The following PPP1R12A variants were observed in gnomAD, a reference collection of about 807,000 sequenced individuals.
PPP1R12A encodes protein phosphatase 1 regulatory subunit 12A, also known as myosin binding subunit.
A neutral mutation model predicts 139.6 loss-of-function variants in PPP1R12A; 19 were observed. The observed-to-expected ratio is 0.14, with a 90% CI of 0.09 to 0.20. The LOEUF is 0.20. Among genes scored for constraint, PPP1R12A ranks in the 10% least tolerant of loss-of-function variants. The pLI is 1.00. For synonymous variants in PPP1R12A, 427 were observed against 420.6 expected (o/e 1.02, Z -0.19); for missense variants, 925 against 1,211.5 (o/e 0.76, Z 3.51).
intron 1 of PPP1R12A, among the ~76,000 whole-genome samples, chr12:79,888,495 T>C (rs1222556763): frequency 1.1e-4 from 16 of 152,096 alleles, no homozygotes; most frequent in Non-Finnish European, 1.0e-4. Flanking sequence ...CAACAGAGGG[T>C]TGAGAAGCAG....
rs558457699 is a variant in PPP1R12A at position 79,773,826 on chromosome 12, T to C, written c.*2103A>G. ...TCATTAAAAGTTCACACATTTAAAATAGTTTTATTCATTTTATTTGTATAT... is the reference window on the plus strand; with the variant it reads ...TCATTAAAAGTTCACACATTTAAAACAGTTTTATTCATTTTATTTGTATAT... On this transcript the variant is annotated 3_prime_UTR_variant, in exon 25 of 25. Transcript: ENST00000450142. 1.3e-5 allele frequency: 2 copies of C among 152,354 alleles called. No homozygotes were observed. Among genetic ancestry groups the C allele is most frequent in the Admixed American group, 6.5e-5 (1 of 15,304 alleles). The allele number at this position is 152,354 out of a possible 1,614,324, so 9.4% of individuals were successfully genotyped here.
At chr12:79,848,143 A>G (rs1235492172) in intron 2 of PPP1R12A, among the ~76,000 whole-genome samples, 2 of 152,196 alleles carry the variant, frequency 1.3e-5, no homozygotes, top group Non-Finnish European at 2.9e-5. Flanking sequence ...TAAAAGTTTT[A>G]TCATCTTTAT....
rs114378668 is a variant in PPP1R12A at position 79,906,045 on chromosome 12, A to C, written c.237+28650T>G. Reference sequence around the variant, plus strand: ...AGCTAAGGAAATCATCCTACTTTAAATGAAAAAAATCTTATGCATCAAAAT... The same window carrying C: ...AGCTAAGGAAATCATCCTACTTTAACTGAAAAAAATCTTATGCATCAAAAT... On this transcript the variant is annotated intron_variant, in intron 1 of 24. Transcript: ENST00000450142. 5.4e-3 allele frequency among the ~76,000 whole-genome samples: 818 copies of C among 152,322 alleles called. 5 individuals are homozygous for C. The highest frequency in any genetic ancestry group is 0.019 in the African/African-American group (777 of 41,576).
At chr12:79,784,135 G>C (rs1400828534) in intron 22 of PPP1R12A, among the ~76,000 whole-genome samples, 1 of 151,910 alleles carries the variant, frequency 6.6e-6, no homozygotes, top group Non-Finnish European at 1.5e-5. Flanking sequence ...TTGTGTATTT[G>C]TGAATAGTTA....
chr12:79,902,554 T>C (rs950557772), intron 1 of PPP1R12A, among the ~76,000 whole-genome samples: 3 of 152,062 alleles, frequency 2.0e-5, no homozygotes, highest in Non-Finnish European at 4.4e-5. Flanking sequence ...TTTAAATGGA[T>C]ATTGGCCTTT....
At chr12:79,853,900 T>C (rs1347849446) in intron 2 of PPP1R12A, among the ~76,000 whole-genome samples, 1 of 152,224 alleles carries the variant, frequency 6.6e-6, no homozygotes, top group Non-Finnish European at 1.5e-5. Flanking sequence ...TCAATGACTT[T>C]GTATAATTGA....
chr12:79,899,774 A>G (rs1254253867), intron 1 of PPP1R12A, among the ~76,000 whole-genome samples: 1 of 152,144 alleles, frequency 6.6e-6, no homozygotes, highest in African/African-American at 2.4e-5. Context: ...ACTGACTTTT[A>G]TAAGAAAATA....
At chr12:79,815,251 G>C (rs146015188) in intron 9 of PPP1R12A, among the ~76,000 whole-genome samples, 113 of 152,276 alleles carry the variant, frequency 7.4e-4, no homozygotes, top group African/African-American at 2.7e-3. Context: ...AAAAGATAGA[G>C]AGCCAGTGCT....
At chr12:79,786,790 G>A (rs1431468566) in intron 21 of PPP1R12A, 1 of 183,286 alleles carries the variant, frequency 5.5e-6, no homozygotes, top group African/African-American at 2.4e-5. Context: ...CACAGCAACT[G>A]CAGCTAGGGC....
At chr12:79,832,513 T>C (rs201740861) in intron 3 of PPP1R12A, 22 bp from the exon 4 acceptor site, 3 of 1,546,454 alleles carry the variant, frequency 1.9e-6, no homozygotes, top group African/African-American at 2.8e-5. Context: ...AAAATAGTTC[T>C]TTTTATTTTT....
chr12:79,900,269 C>G (rs897378898), intron 1 of PPP1R12A, among the ~76,000 whole-genome samples: 2 of 152,126 alleles, frequency 1.3e-5, no homozygotes, highest in African/African-American at 4.8e-5. Context: ...TACAAAACAT[C>G]CTTATAACAA....
chr12:79,796,917 T>C lies in PPP1R12A; in HGVS notation c.2326A>G (p.Ser776Gly), dbSNP rs773144245. ...AGTGAAGAGGATGGAGTGGTTGAAC[T>C]TGAAGTTGATACTGGCCTATAACGC... ...YQRYRPVSTSSSTTPSSSLST... is the reference protein window; with the variant it reads ...YQRYRPVSTSGSTTPSSSLST... Residue 776 changes from serine to glycine, a missense_variant, in exon 17 of 25, where the codon AGT (serine) becomes GGT (glycine). Ser to Gly is a moderately conservative substitution (Grantham distance 56). Around this residue, in one of 4 missense-constraint regions of PPP1R12A, gnomAD observed 315 missense variants for 363.4 expected, o/e 0.87. Transcript: ENST00000450142. 8 of 1,612,678 alleles carry C rather than the reference T, an allele frequency of 5.0e-6. No homozygotes were observed. Among genetic ancestry groups the C allele is most frequent in the Non-Finnish European group, 6.8e-6 (8 of 1,179,262 alleles).
intron 9 of PPP1R12A, among the ~76,000 whole-genome samples, chr12:79,814,518 TA>T (rs1447977777): frequency 3.4e-5 from 4 of 118,736 alleles, no homozygotes; most frequent in Admixed American, 8.7e-5. Flanking sequence ...CCCTCTTCAT[TA>T]AAAAAAAAAT....
chr12:79,808,563 T>C lies in PPP1R12A; in HGVS notation c.1470A>G (p.Lys490=). 6.2e-7 allele frequency: 1 copy of C among 1,602,160 alleles called. No individual in the cohort carries two copies. Among genetic ancestry groups the C allele is most frequent in the Non-Finnish European group, 8.5e-7 (1 of 1,170,992 alleles). Residue 490 remains lysine (K), a synonymous_variant, in exon 11 of 25, where the codon AAA becomes AAG. Transcript: ENST00000450142. ...LDNKEKEKDS[K]GTRLAYVAPT... ...GTGCAACATATGCAAGCCTAGTTCCTTTACTATCTTTCTCCTACACAACAG... is the reference window on the plus strand; with the variant it reads ...GTGCAACATATGCAAGCCTAGTTCCCTTACTATCTTTCTCCTACACAACAG...
chr12:79,820,100 A>C (rs892899575), intron 8 of PPP1R12A, among the ~76,000 whole-genome samples: 2 of 152,212 alleles, frequency 1.3e-5, no homozygotes, highest in African/African-American at 4.8e-5. Context: ...GTAAGACTAT[A>C]AAAATGAACT....
chr12:79,887,944 T>C (rs563702818), intron 1 of PPP1R12A, among the ~76,000 whole-genome samples: 27 of 152,250 alleles, frequency 1.8e-4, no homozygotes, highest in African/African-American at 6.0e-4. Flanking sequence ...GGACATAAAA[T>C]TGTTACAGTC....
At chr12:79,863,090 G>C (rs2137290394) in intron 2 of PPP1R12A, among the ~76,000 whole-genome samples, 1 of 152,320 alleles carries the variant, frequency 6.6e-6, no homozygotes, top group South Asian at 2.1e-4. Context: ...TACCCACAAA[G>C]GGTAACCATC....
At chr12:79,865,027 T>G (rs1329767462) in intron 2 of PPP1R12A, among the ~76,000 whole-genome samples, 2 of 152,178 alleles carry the variant, frequency 1.3e-5, no homozygotes, top group Non-Finnish European at 2.9e-5. Context: ...AAAGAGAATT[T>G]TAGGCCAATA....
At chr12:79,816,649 G>A (rs1014902589) in intron 9 of PPP1R12A, among the ~76,000 whole-genome samples, 12 of 151,904 alleles carry the variant, frequency 7.9e-5, no homozygotes, top group African/African-American at 2.2e-4. Flanking sequence ...GAGATGAGAG[G>A]GATGGAGAAC....
Sources: allele counts gnomAD v4.1 joint callset (sites outside exome capture counted in the v4.1 genomes callset), GRCh38; gene constraint gnomAD v4.1.1; regional missense constraint gnomAD v4.1.1; transcripts MANE v1.5; gene names NCBI Gene and HGNC (gene_info 2026-07-23, HGNC 2026-07-21).